The following SKI variants were observed in gnomAD, a reference collection of about 807,000 sequenced individuals.
The protein encoded by SKI is ski oncogene.
A neutral mutation model predicts 59.3 loss-of-function variants in SKI; 23 were observed. That is an observed-to-expected ratio of 0.39 (90% confidence interval 0.28 to 0.55). The LOEUF (loss-of-function observed/expected upper bound fraction) is 0.55, where lower values mean the gene tolerates loss of function less well. Among genes scored for constraint, SKI ranks in the 20% least tolerant of loss-of-function variants. The pLI is 0.67. For synonymous variants in SKI, 673 were observed against 488.6 expected (o/e 1.38, Z -4.98); for missense variants, 1,017 against 1,038.9 (o/e 0.98, Z 0.29).
At chr1:2,250,733 T>C (rs568696784) in intron 1 of SKI, among the ~76,000 whole-genome samples, 1 of 152,380 alleles carries the variant, frequency 6.6e-6, no homozygotes, top group East Asian at 1.9e-4. Flanking sequence ...CTGGCCACGC[T>C]CTGCCGTGTC....
chr1:2,235,868 T>A (rs142361202), intron 1 of SKI, among the ~76,000 whole-genome samples: 1 of 152,356 alleles, frequency 6.6e-6, no homozygotes, highest in East Asian at 1.9e-4. Flanking sequence ...GCATGTGTCC[T>A]GCCGGCCGCC....
intron 1 of SKI, among the ~76,000 whole-genome samples, chr1:2,261,889 G>GA (rs1639395246): frequency 7.9e-6 from 1 of 125,890 alleles, no homozygotes. Context: ...TGATCTCCTG[G>GA]TCTGGAAGGC....
intron 1 of SKI, among the ~76,000 whole-genome samples, chr1:2,277,903 G>A (rs1031689436): frequency 1.3e-5 from 2 of 151,050 alleles, no homozygotes; most frequent in African/African-American, 4.9e-5. Flanking sequence ...TGCACTCAAC[G>A]CACTCGTCAG....
intron 1 of SKI, among the ~76,000 whole-genome samples, chr1:2,258,471 G>A (rs1383698433): frequency 6.6e-6 from 1 of 151,906 alleles, no homozygotes; most frequent in East Asian, 1.9e-4. Flanking sequence ...GTCAGGAAAT[G>A]GAGTAACAGG....
rs762997111 is a variant in SKI at position 2,308,470 on chromosome 1, T to G, written c.*1705T>G. The G allele has an allele frequency of 2.6e-5, 4 of 152,172 alleles. No homozygotes were observed. The highest frequency in any genetic ancestry group is 2.9e-5 in the Non-Finnish European group (2 of 68,028). 9.4% of individuals were successfully genotyped at this position (152,172 alleles called of 1,614,324 possible). On this transcript the variant is annotated 3_prime_UTR_variant, in exon 7 of 7. Transcript: ENST00000378536. Reference sequence around the variant, plus strand: ...TCTTTGCTTTTGTTTTCTTTGCGGTTGTTCTGTGTGCATGGATTCCACACC... The same window carrying G: ...TCTTTGCTTTTGTTTTCTTTGCGGTGGTTCTGTGTGCATGGATTCCACACC...
chr1:2,306,055 G>A lies in SKI; in HGVS notation c.1803G>A (p.Lys601=). The part of the protein sequence containing the change: ...LEFLRVAKKE[K]LREATEAKRN... ...TCCTACGCGTGGCCAAGAAGGAGAA[G>A]CTGCGGGAGGCCACGGAGGCCAAGC... The change falls in exon 6 of 7, where the codon AAG becomes AAA. Residue 601 remains lysine, a synonymous_variant. Transcript: ENST00000378536. The A allele has an allele frequency of 6.3e-7, 1 of 1,598,364 alleles. No homozygotes were observed. The highest frequency in any genetic ancestry group is 8.5e-7 in the Non-Finnish European group (1 of 1,174,238).
intron 1 of SKI, among the ~76,000 whole-genome samples, chr1:2,284,548 G>A (rs1015212097): frequency 2.0e-5 from 3 of 152,210 alleles, no homozygotes; most frequent in African/African-American, 7.2e-5. Flanking sequence ...GGGGGGCAGG[G>A]ACCCTTCCCC....
intron 1 of SKI, among the ~76,000 whole-genome samples, chr1:2,264,567 C>A (rs1301610127): frequency 6.6e-6 from 1 of 151,992 alleles, no homozygotes; most frequent in East Asian, 1.9e-4. Flanking sequence ...CTGCGTCCGG[C>A]CTGTTTTATT....
Position 2,308,135 on chromosome 1 carries a change from C to T in SKI, c.*1370C>T, listed in dbSNP as rs1569873141. 1.3e-5 allele frequency: 2 copies of T among 152,368 alleles called. No homozygotes were observed. Among genetic ancestry groups the T allele is most frequent in the East Asian group, 1.9e-4 (1 of 5,192 alleles). 9.4% of individuals were successfully genotyped at this position (152,368 alleles called of 1,614,324 possible). ...AGTAGACAAGAGGCGGCTACCTATC[C>T]TACAGTTACGGTATTTATTTACATA... On this transcript the variant is annotated 3_prime_UTR_variant, in exon 7 of 7. Coordinates refer to ENST00000378536, the MANE Select transcript of SKI (RefSeq NM_003036.4).
chr1:2,285,905 G>A (rs1307773848), intron 1 of SKI, among the ~76,000 whole-genome samples: 42 of 119,578 alleles, frequency 3.5e-4, no homozygotes, highest in African/African-American at 1.1e-3. Flanking sequence ...ACGGAGTCTC[G>A]CACTGTTGCC....
At chr1:2,274,650 C>T (rs193173679) in intron 1 of SKI, among the ~76,000 whole-genome samples, 8 of 152,360 alleles carry the variant, frequency 5.3e-5, no homozygotes, top group African/African-American at 1.7e-4. Context: ...GCTGGAGCCT[C>T]ATAGCGGGCA....
Position 2,269,885 on chromosome 1 carries a change from T to TGGTGGTG in SKI, c.970-33093_970-33092insGGTGGTG, listed in dbSNP as rs1242171719. 4.7e-5 allele frequency among the ~76,000 whole-genome samples: 6 copies of TGGTGGTG among 126,826 alleles called. 2 individuals are homozygous for TGGTGGTG. Among genetic ancestry groups the TGGTGGTG allele is most frequent in the East Asian group, 4.7e-4 (2 of 4,242 alleles). The allele number at this position is 126,826 out of a possible 152,430, so 83.2% of individuals were successfully genotyped here. ...GTGGCTGGCGTGGGTCTGGCGGGTC[T>TGGTGGTG]CGTGGTGCCTGTGGCTGGCGTGGGT... On this transcript the variant is annotated intron_variant, in intron 1 of 6. Coordinates refer to ENST00000378536, the MANE Select transcript of SKI (RefSeq NM_003036.4). The surrounding 1 kb of genome is among the most constrained non-coding windows in gnomAD (Gnocchi z 4.7).
At position 2,308,513 on chromosome 1, in the gene SKI, C is replaced by T. The variant is rs554949504; in HGVS notation, c.*1748C>T. On this transcript the variant is annotated 3_prime_UTR_variant, in exon 7 of 7. Coordinates refer to ENST00000378536, the MANE Select transcript of SKI (RefSeq NM_003036.4). ...TCCACACCTCTGCCGTAGGTAGATC[C>T]GTCAGCGGGCATTATTACCGTGTCT... 10 of 152,262 alleles carry T rather than the reference C, an allele frequency of 6.6e-5. No homozygotes were observed. The highest frequency in any genetic ancestry group is 1.9e-4 in the East Asian group (1 of 5,190). 9.4% of individuals were successfully genotyped at this position (152,262 alleles called of 1,614,324 possible).
intron 1 of SKI, among the ~76,000 whole-genome samples, chr1:2,282,783 C>T (rs974620574): frequency 4.0e-5 from 6 of 151,628 alleles, no homozygotes; most frequent in Admixed American, 2.6e-4. Context: ...CTCTCGGGGG[C>T]GCCAGTCCTG....
intron 1 of SKI, among the ~76,000 whole-genome samples, chr1:2,264,241 A>G (rs1181116203): frequency 6.6e-6 from 1 of 152,116 alleles, no homozygotes; most frequent in Non-Finnish European, 1.5e-5. Context: ...TGACTTCAAA[A>G]AGTTTCAATT....
At chr1:2,271,692 G>A (rs1639624641) in intron 1 of SKI, among the ~76,000 whole-genome samples, 1 of 151,020 alleles carries the variant, frequency 6.6e-6, no homozygotes, top group African/African-American at 2.4e-5. Context: ...GCCCGCCCCA[G>A]GGCGGGGATT....
At chr1:2,264,939 T>A (rs1639468302) in intron 1 of SKI, among the ~76,000 whole-genome samples, 1 of 152,090 alleles carries the variant, frequency 6.6e-6, no homozygotes, top group African/African-American at 2.4e-5. Context: ...GCCTCCCGCG[T>A]ACCTGGGATT....
chr1:2,240,734 C>T, intron 1 of SKI: 2 of 985,482 alleles, frequency 2.0e-6, no homozygotes, highest in Non-Finnish European at 2.4e-6. Context: ...GTGGCGCAGA[C>T]ACGGACTTCA....
At position 2,268,898 on chromosome 1, in the gene SKI, C is replaced by A. The variant is rs990989964; in HGVS notation, c.970-34080C>A. On this transcript the variant is annotated intron_variant, in intron 1 of 6. Transcript: ENST00000378536. This position sits in a 1 kb window ranked among gnomAD's most constrained non-coding sequence, Gnocchi z 5.0. ...TTTCCCCTTTATCCTTTCCCCCCTTCCATGTCCATTTCCCTTTTCCCTCCC... is the reference window on the plus strand; with the variant it reads ...TTTCCCCTTTATCCTTTCCCCCCTTACATGTCCATTTCCCTTTTCCCTCCC... Among the ~76,000 whole-genome samples the A allele has an allele frequency of 1.4e-5, 2 of 147,578 alleles. No homozygotes were observed. Among genetic ancestry groups the A allele is most frequent in the African/African-American group, 4.9e-5 (2 of 40,614 alleles).
Sources: gnomAD v4.1 joint callset for allele counts (sites outside exome capture counted in the v4.1 genomes callset) on GRCh38, gnomAD v4.1.1 for gene constraint, Gnocchi (gnomAD v3.1) non-coding constraint, MANE v1.5 for transcripts, NCBI Gene and HGNC (gene_info 2026-07-23, HGNC 2026-07-21) for gene names.